The following SLC8A3 variants were observed in gnomAD, a reference collection of about 807,000 sequenced individuals.
The protein encoded by SLC8A3 is solute carrier family 8 member A3, also known as sodium/calcium exchanger 3.
In SLC8A3, 37 loss-of-function variants were observed where a neutral mutation model predicts 65.4. The observed-to-expected ratio is 0.57, with a 90% CI of 0.44 to 0.74. The LOEUF (loss-of-function observed/expected upper bound fraction) is 0.74. Ranked by LOEUF, SLC8A3 falls within the 30% of genes least tolerant of loss-of-function variation. SLC8A3 has a pLI of 0.00. For missense variants in SLC8A3, 1,112 were observed against 1,172.1 expected, an observed-to-expected ratio of 0.95 and a Z score of 0.75; for synonymous variants, 461 against 444.5, an observed-to-expected ratio of 1.04 and a Z score of -0.47.
chr14:70,159,390 G>A (rs1373981856), intron 2 of SLC8A3, among the ~76,000 whole-genome samples: 2 of 140,652 alleles, frequency 1.4e-5, no homozygotes, highest in Non-Finnish European at 3.0e-5. Flanking sequence ...TCCAGCCTGG[G>A]CAACAGAGCA....
intron 1 of SLC8A3, among the ~76,000 whole-genome samples, chr14:70,181,681 A>G (rs1430271437): frequency 6.6e-6 from 1 of 152,186 alleles, no homozygotes; most frequent in Admixed American, 6.5e-5. Flanking sequence ...AGGAAACTGT[A>G]AAAAGTGAGG....
At chr14:70,132,886 TG>T (rs1312294501) in intron 2 of SLC8A3, among the ~76,000 whole-genome samples, 6 of 152,086 alleles carry the variant, frequency 3.9e-5, no homozygotes, top group African/African-American at 7.2e-5. Context: ...AATCTGTTTT[TG>T]GGGGGCCAGC....
intron 3 of SLC8A3, among the ~76,000 whole-genome samples, chr14:70,054,123 A>G (rs1370826495): frequency 6.6e-6 from 1 of 152,172 alleles, no homozygotes; most frequent in Admixed American, 6.5e-5. Context: ...GAAAGATAGA[A>G]TATGAATAGG....
Position 70,168,429 on chromosome 14 carries a change from G to C in SLC8A3, c.-7C>G, listed in dbSNP as rs1897312570. On this transcript the variant is annotated 5_prime_UTR_variant, in exon 2 of 7. Coordinates refer to ENST00000356921, the MANE Select transcript of SLC8A3 (RefSeq NM_182932.3). ...GCAACCTTAACCACGCCATACACGA[G>C]ACTTAGCCACTGGCTTCTATTGCAG... 3 of 1,607,446 alleles carry C rather than the reference G, an allele frequency of 1.9e-6. No homozygotes were observed. Among genetic ancestry groups the C allele is most frequent in the Middle Eastern group, 1.7e-4 (1 of 6,034 alleles).
intron 2 of SLC8A3, among the ~76,000 whole-genome samples, chr14:70,129,199 T>C (rs931055852): frequency 7.2e-5 from 11 of 152,182 alleles, no homozygotes; most frequent in Admixed American, 5.2e-4. Context: ...AGGAAGAGAG[T>C]GTAACAGCAT....
At chr14:70,051,844 G>A in intron 4 of SLC8A3, 146 bp downstream of exon 4, 1 of 622,054 alleles carries the variant, frequency 1.6e-6, no homozygotes, top group East Asian at 2.9e-5. Flanking sequence ...GTTACAAATG[G>A]GGAAACTGAG....
chr14:70,174,904 G>A (rs8013193), intron 1 of SLC8A3, among the ~76,000 whole-genome samples: 5,195 of 152,232 alleles, frequency 0.034, 296 homozygotes, highest in African/African-American at 0.12. Context: ...ACCCGTGTGG[G>A]CAGTGGCTGC....
intron 2 of SLC8A3, among the ~76,000 whole-genome samples, chr14:70,079,232 A>C (rs2025962): frequency 0.9 from 136,315 of 151,478 alleles, 61,492 homozygotes; most frequent in East Asian, 1. Context: ...ACCTGTAACC[A>C]CAGCACTTTG....
At chr14:70,119,838 T>G (rs1893926402) in intron 2 of SLC8A3, among the ~76,000 whole-genome samples, 1 of 152,250 alleles carries the variant, frequency 6.6e-6, no homozygotes, top group African/African-American at 2.4e-5. Flanking sequence ...TAACGTTCTG[T>G]ATAATTGCTA....
At chr14:70,152,504 C>CA (rs5809468) in intron 2 of SLC8A3, among the ~76,000 whole-genome samples, 150,707 of 151,936 alleles carry the variant, frequency 0.99, 74,752 homozygotes, top group Non-Finnish European at 1. Flanking sequence ...ACAACAACAA[C>CA]AAAACAACAA....
intron 1 of SLC8A3, among the ~76,000 whole-genome samples, chr14:70,185,574 G>A (rs943589928): frequency 6.6e-6 from 1 of 152,206 alleles, no homozygotes; most frequent in Non-Finnish European, 1.5e-5. Context: ...TCCCTTCTCC[G>A]ACCAGGAAGC....
intron 2 of SLC8A3, among the ~76,000 whole-genome samples, chr14:70,083,587 T>G (rs1171497486): frequency 6.6e-6 from 1 of 152,246 alleles, no homozygotes; most frequent in Non-Finnish European, 1.5e-5. Flanking sequence ...TTCTAATCCC[T>G]GAAGGGTAGA....
rs1249225763 is a variant in SLC8A3, at chr14:70,088,890, A to G, written c.1785-27951T>C. ...GATCCTGTTCTTTTTACCTACTTCTACCTCATGAACACATTTTCTTTTTTT... is the reference window on the plus strand; with the variant it reads ...GATCCTGTTCTTTTTACCTACTTCTGCCTCATGAACACATTTTCTTTTTTT... On this transcript the variant is annotated intron_variant, in intron 2 of 6. Coordinates refer to ENST00000356921, the MANE Select transcript of SLC8A3 (RefSeq NM_182932.3). Among the ~76,000 whole-genome samples the G allele has an allele frequency of 2.0e-5, 3 of 151,852 alleles. No homozygotes were observed. The East Asian group carries it at 5.8e-4, about 29-fold the overall frequency.
At chr14:70,094,922 A>G (rs913622784) in intron 2 of SLC8A3, among the ~76,000 whole-genome samples, 3 of 152,248 alleles carry the variant, frequency 2.0e-5, no homozygotes, top group African/African-American at 7.2e-5. Flanking sequence ...TGAAGCAGAC[A>G]GCAGCAGTAT....
chr14:70,049,873 A>G (rs1433167280), intron 5 of SLC8A3, among the ~76,000 whole-genome samples: 1 of 152,250 alleles, frequency 6.6e-6, no homozygotes, highest in Non-Finnish European at 1.5e-5. Context: ...TCTCATGGGA[A>G]AAAGCAGGAT....
chr14:70,093,614 T>G (rs182784751), intron 2 of SLC8A3, among the ~76,000 whole-genome samples: 1 of 152,218 alleles, frequency 6.6e-6, no homozygotes, highest in Non-Finnish European at 1.5e-5. Context: ...CCGGCTTTGA[T>G]AAACACATGA....
At chr14:70,065,822 C>T (rs1196929207) in intron 2 of SLC8A3, among the ~76,000 whole-genome samples, 1 of 151,986 alleles carries the variant, frequency 6.6e-6, no homozygotes, top group Non-Finnish European at 1.5e-5. Context: ...AGGTGGTGAC[C>T]CAAGGGGTGG....
intron 2 of SLC8A3, among the ~76,000 whole-genome samples, chr14:70,063,444 G>A (rs1019382751): frequency 8.5e-5 from 13 of 152,208 alleles, no homozygotes; most frequent in African/African-American, 2.9e-4. Flanking sequence ...CTGGTGCTGG[G>A]CTATGTGGTC....
intron 3 of SLC8A3, among the ~76,000 whole-genome samples, chr14:70,058,428 A>C (rs1888405905): frequency 6.6e-6 from 1 of 152,184 alleles, no homozygotes; most frequent in South Asian, 2.1e-4. Flanking sequence ...TAGACAATAA[A>C]ATAGGCAGCT....
Sources: allele counts gnomAD v4.1 joint callset (sites outside exome capture counted in the v4.1 genomes callset), GRCh38; gene constraint gnomAD v4.1.1; transcripts MANE v1.5; gene names NCBI Gene and HGNC (gene_info 2026-07-23, HGNC 2026-07-21).